Variants in CFAP70 observed in about 807,000 individuals in gnomAD.
The protein encoded by CFAP70 is cilia- and flagella-associated protein 70.
CFAP70 carries 81 observed loss-of-function variants against 137.6 expected under a neutral mutation model. That is an observed-to-expected ratio of 0.59 (90% CI 0.49 to 0.71). The LOEUF (loss-of-function observed/expected upper bound fraction) is 0.71. CFAP70 is among the 30% of genes least tolerant of loss of function. The pLI, the probability that CFAP70 is intolerant of heterozygous loss-of-function variation, is 0.00. For missense variants in CFAP70, 976 were observed against 1,226.7 expected (o/e 0.80, Z 3.05); for synonymous variants, 382 against 423.6 (o/e 0.90, Z 1.20).
At position 73,277,711 on chromosome 10, in the gene CFAP70, CA is replaced by C. The variant is rs34507972; in HGVS notation, c.2399-351del. On this transcript the variant is annotated intron_variant, in intron 20 of 26. Coordinates refer to ENST00000310715, the Ensembl canonical transcript of CFAP70. ...CTGGCAACAGAGCAAGACTCCATCT[CA>C]AAAAAAAAAAAAAATTCAGACACTA... Among the ~76,000 whole-genome samples the C allele has an allele frequency of 4.8e-3, 645 of 133,886 alleles. 1 individual carries two copies. Among genetic ancestry groups the C allele is most frequent in the Middle Eastern group, 0.011 (3 of 274 alleles). The allele number at this position is 133,886 out of a possible 152,430, so 87.8% of individuals were successfully genotyped here.
At chr10:73,312,014 G>T in intron 10 of CFAP70, 100 bp from the exon 12 acceptor site, 1 of 876,942 alleles carries the variant, frequency 1.1e-6, no homozygotes, top group Non-Finnish European at 1.9e-6. Context: ...CAAACTAACT[G>T]CAGCCATAAA....
chr10:73,360,539 A>G (rs984904552), upstream of CFAP70, among the ~76,000 whole-genome samples: 1 of 151,708 alleles, frequency 6.6e-6, no homozygotes, highest in Non-Finnish European at 1.5e-5. Context: ...ACGCATAACC[A>G]CTCTCCCTGG....
At chr10:73,311,996 T>C (rs898527819) in intron 10 of CFAP70, 82 bp from the exon 12 acceptor site, 56 of 1,035,356 alleles carry the variant, frequency 5.4e-5, no homozygotes, top group Non-Finnish European at 8.2e-5. Context: ...CTACACTGCA[T>C]CAAAATGCAA....
intron 15 of CFAP70, 78 bp from the exon 17 acceptor site, chr10:73,293,466 G>A: frequency 7.8e-7 from 1 of 1,288,308 alleles, no homozygotes; most frequent in Non-Finnish European, 1.1e-6. Flanking sequence ...TAAATCCGAT[G>A]TGAGATCCAG....
At chr10:73,280,381 C>T (rs1312622606) in intron 19 of CFAP70, among the ~76,000 whole-genome samples, 1 of 152,042 alleles carries the variant, frequency 6.6e-6, no homozygotes, top group Non-Finnish European at 1.5e-5. Flanking sequence ...TTTGTATGTA[C>T]TCTTCTTTCT....
intron 19 of CFAP70, among the ~76,000 whole-genome samples, chr10:73,283,599 A>G (rs745410761): frequency 3.3e-5 from 5 of 152,092 alleles, no homozygotes; most frequent in African/African-American, 1.2e-4. Context: ...CTTTGTCTCA[A>G]TTGATTTTCT....
chr10:73,254,110 G>T, intron 26 of CFAP70, 55 bp from the exon 28 acceptor site: 1 of 1,455,776 alleles, frequency 6.9e-7, no homozygotes, highest in Non-Finnish European at 9.4e-7. Flanking sequence ...TATACTTTAT[G>T]TGGCTTTGAA....
At chr10:73,322,566 T>TAA (rs143744938) in intron 9 of CFAP70, among the ~76,000 whole-genome samples, 9,571 of 105,334 alleles carry the variant, frequency 0.091, 580 homozygotes, top group East Asian at 0.28. Flanking sequence ...CCCACATCTC[T>TAA]AAAAAAAAAA....
chr10:73,261,119 G>T (rs2045128378), intron 25 of CFAP70, among the ~76,000 whole-genome samples: 1 of 149,764 alleles, frequency 6.7e-6, no homozygotes, highest in South Asian at 2.1e-4. Context: ...ACTTGGCATT[G>T]TCTATCTTTT....
At chr10:73,357,715 A>G (rs553859553) in intron 1 of CFAP70, among the ~76,000 whole-genome samples, 5 of 152,274 alleles carry the variant, frequency 3.3e-5, no homozygotes, top group Admixed American at 3.3e-4. Context: ...GTATTTTTCA[A>G]AGATTACCTG....
At chr10:73,278,497 T>G (rs2046968582) in intron 19 of CFAP70, among the ~76,000 whole-genome samples, 160 bp from the exon 21 acceptor site, 1 of 152,216 alleles carries the variant, frequency 6.6e-6, no homozygotes, top group Non-Finnish European at 1.5e-5. Context: ...TTTAATAATT[T>G]AAAGAGTATA....
At chr10:73,282,771 G>A (rs2047357446) in intron 19 of CFAP70, among the ~76,000 whole-genome samples, 1 of 151,066 alleles carries the variant, frequency 6.6e-6, no homozygotes, top group Admixed American at 6.6e-5. Context: ...TTTCATTAGA[G>A]GAATATTTAG....
intron 19 of CFAP70, among the ~76,000 whole-genome samples, chr10:73,281,484 G>T (rs1388184870): frequency 6.6e-6 from 1 of 151,842 alleles, no homozygotes; most frequent in Non-Finnish European, 1.5e-5. Flanking sequence ...CCAAATACTT[G>T]AAGTTTTCCT....
chr10:73,352,010 T>C (rs1458577065), intron 3 of CFAP70, among the ~76,000 whole-genome samples: 1 of 152,240 alleles, frequency 6.6e-6, no homozygotes, highest in Non-Finnish European at 1.5e-5. Flanking sequence ...ATTGGAGTCC[T>C]GATTCCTTAC....
intron 24 of CFAP70, 34 bp downstream of exon 25, chr10:73,272,894 C>G: frequency 6.5e-7 from 1 of 1,533,020 alleles, no homozygotes; most frequent in Non-Finnish European, 8.8e-7. Flanking sequence ...TCAGCTGTAT[C>G]CACAGCCCTA....
rs2054770198 is a variant in CFAP70, at chr10:73,357,543, TA to T, written c.-40+1170del. Among the ~76,000 whole-genome samples, 3 of 152,138 alleles carry T rather than the reference TA, an allele frequency of 2.0e-5. No homozygotes were observed. In the South Asian group the frequency reaches 6.2e-4, roughly 32 times the overall value. On this transcript the variant is annotated intron_variant, in intron 1 of 26. Transcript: ENST00000310715. ...AGAGACAAGCAGATAAATACCTTAT[TA>T]AAGTACAGATCTGATCGTATCACTG...
At chr10:73,360,949 T>C (rs949261364), upstream of CFAP70, among the ~76,000 whole-genome samples, 1 of 151,954 alleles carries the variant, frequency 6.6e-6, no homozygotes, top group Admixed American at 6.6e-5. Context: ...ACATAATTAA[T>C]CTCCATTCAA....
chr10:73,328,706 A>G (rs1257270500), intron 8 of CFAP70, among the ~76,000 whole-genome samples: 1 of 147,088 alleles, frequency 6.8e-6, no homozygotes, highest in Non-Finnish European at 1.5e-5. Context: ...TCTCAAAAGA[A>G]GACATTTATG....
At chr10:73,285,698 C>T (rs927881183) in intron 19 of CFAP70, among the ~76,000 whole-genome samples, 2 of 150,528 alleles carry the variant, frequency 1.3e-5, no homozygotes, top group African/African-American at 2.5e-5. Context: ...GCAGTGGCAC[C>T]GTGTCGGCTC....
Sources: allele counts gnomAD v4.1 joint callset (sites outside exome capture counted in the v4.1 genomes callset), GRCh38; gene constraint gnomAD v4.1.1; transcripts MANE v1.5; gene names NCBI Gene and HGNC (gene_info 2026-07-23, HGNC 2026-07-21).